HFM1: variants seen among roughly 807,000 people sequenced by gnomAD.
HFM1 encodes helicase for meiosis 1.
Under a neutral mutation model 192.1 loss-of-function variants are expected in HFM1, and 169 were observed. That is an observed-to-expected ratio of 0.88 (90% CI 0.78 to 1.00). The LOEUF (loss-of-function observed/expected upper bound fraction) is 1.00. HFM1 is among the 50% of genes least tolerant of loss of function. HFM1 has a pLI of 0.00. For synonymous variants in HFM1, 525 were observed against 537.8 expected, an observed-to-expected ratio of 0.98 and a Z score of 0.33; for missense variants, 1,661 against 1,668.0, an observed-to-expected ratio of 1.00 and a Z score of 0.07.
chr1:91,398,447 T>G lies in HFM1; in HGVS notation c.72-2042A>C, dbSNP rs554289395. Among the ~76,000 whole-genome samples the G allele has an allele frequency of 2.0e-4, 31 of 152,342 alleles. No homozygotes were observed. The South Asian group carries it at 6.4e-3, about 32-fold the overall frequency. On this transcript the variant is annotated intron_variant, in intron 2 of 38. Transcript: ENST00000370425. Reference sequence around the variant, plus strand: ...ATAATCAAGGCTCTTACTAACTTGTTTTAACTGCCCTCACTGCCTCCAGGC... The same window carrying G: ...ATAATCAAGGCTCTTACTAACTTGTGTTAACTGCCCTCACTGCCTCCAGGC...
In HFM1 at chr1:91,375,462, T is replaced by C. The variant is rs1283158420; in HGVS notation, c.1597-16A>G. 3.1e-6 allele frequency: 5 copies of C among 1,612,052 alleles called. No homozygotes were observed. The Admixed American group carries it at 6.7e-5, about 22-fold the overall frequency. On this transcript the variant is annotated splice_polypyrimidine_tract_variant and intron_variant, in intron 12 of 38. Coordinates refer to ENST00000370425, the MANE Select transcript of HFM1 (RefSeq NM_001017975.6). Reference sequence around the variant, plus strand: ...TTGCACAAAACTGAAAATAAATTCATAACGTTTGTATTAATCATGTTAAAA... The same window carrying C: ...TTGCACAAAACTGAAAATAAATTCACAACGTTTGTATTAATCATGTTAAAA...
At chr1:91,324,524 A>G (rs115597733) in intron 21 of HFM1, 151 bp downstream of exon 21, 11,442 of 549,510 alleles carry the variant, frequency 0.021, 163 homozygotes, top group Non-Finnish European at 0.029. Flanking sequence ...ATATCTCATG[A>G]TCAGAATTAT....
At chr1:91,320,768 T>C (rs1003392877) in intron 23 of HFM1, among the ~76,000 whole-genome samples, 18 of 152,104 alleles carry the variant, frequency 1.2e-4, no homozygotes, top group African/African-American at 4.3e-4. Flanking sequence ...TGTCCTATGA[T>C]CTTACCCCTG....
intron 4 of HFM1, among the ~76,000 whole-genome samples, chr1:91,391,925 A>G (rs1391008758): frequency 2.6e-5 from 4 of 152,246 alleles, no homozygotes; most frequent in Non-Finnish European, 5.9e-5. Context: ...CCCCATTAAA[A>G]AGTTGGCAAA....
intron 30 of HFM1, among the ~76,000 whole-genome samples, chr1:91,278,922 A>T (rs1387169390): frequency 6.6e-6 from 1 of 152,190 alleles, no homozygotes; most frequent in Non-Finnish European, 1.5e-5. Context: ...CTGAAACTAG[A>T]GAAAAGAACT....
chr1:91,341,710 A>C (rs1655359603), intron 20 of HFM1, among the ~76,000 whole-genome samples: 1 of 152,132 alleles, frequency 6.6e-6, no homozygotes. Flanking sequence ...AAACAAAAAA[A>C]CAGAAACCAG....
At chr1:91,338,684 C>T (rs1654925078) in intron 20 of HFM1, among the ~76,000 whole-genome samples, 3 of 152,286 alleles carry the variant, frequency 2.0e-5, no homozygotes, top group African/African-American at 2.4e-5. Context: ...ACATGGTGCA[C>T]GGACCTTGTC....
intron 20 of HFM1, among the ~76,000 whole-genome samples, chr1:91,334,428 G>C (rs1654281633): frequency 6.6e-6 from 1 of 152,142 alleles, no homozygotes; most frequent in African/African-American, 2.4e-5. Context: ...GAGAGGCCCT[G>C]AAAGAGCCCT....
intron 4 of HFM1, among the ~76,000 whole-genome samples, chr1:91,390,222 A>C (rs1314836016): frequency 6.6e-6 from 1 of 152,132 alleles, no homozygotes; most frequent in Non-Finnish European, 1.5e-5. Context: ...CAGATCACAC[A>C]GTCAGGAGAT....
intron 37 of HFM1, 27 bp from the exon 38 acceptor site, chr1:91,262,419 CAT>C (rs756165466): frequency 1.3e-6 from 2 of 1,578,984 alleles, no homozygotes; most frequent in Non-Finnish European, 1.7e-6. Flanking sequence ...AAATAACAAT[CAT>C]TGAAAGTTTA....
At chr1:91,271,388 C>T (rs143327678) in intron 34 of HFM1, among the ~76,000 whole-genome samples, 10 of 152,222 alleles carry the variant, frequency 6.6e-5, no homozygotes, top group South Asian at 4.1e-4. Context: ...AAGCCAGATA[C>T]TTTTCAGTTT....
chr1:91,398,880 A>G (rs1403094648), intron 2 of HFM1, among the ~76,000 whole-genome samples: 1 of 152,050 alleles, frequency 6.6e-6, no homozygotes, highest in African/African-American at 2.4e-5. Flanking sequence ...TTTAGTAGAG[A>G]TGGCGTTTCA....
chr1:91,403,145 G>A (rs1297250353), intron 1 of HFM1, among the ~76,000 whole-genome samples: 2 of 152,008 alleles, frequency 1.3e-5, no homozygotes, highest in African/African-American at 2.4e-5. Context: ...TATAGTATAT[G>A]CTTAGTTGTT....
At chr1:91,304,633 ATTT>A (rs58215219) in intron 30 of HFM1, among the ~76,000 whole-genome samples, 314 of 140,624 alleles carry the variant, frequency 2.2e-3, no homozygotes, top group Middle Eastern at 0.011. Flanking sequence ...CAGCCGGCTA[ATTT>A]TTTTTTTTTT....
chr1:91,361,993 C>T (rs973086992), intron 13 of HFM1, among the ~76,000 whole-genome samples: 6 of 152,114 alleles, frequency 3.9e-5, no homozygotes, highest in Non-Finnish European at 8.8e-5. Flanking sequence ...CAATTCAACA[C>T]TCCTTCATGT....
chr1:91,289,165 G>A (rs1266673313), intron 30 of HFM1, among the ~76,000 whole-genome samples: 2 of 149,506 alleles, frequency 1.3e-5, no homozygotes, highest in Non-Finnish European at 3.0e-5. Flanking sequence ...AGTCAGAGAC[G>A]CTCCTCACCT....
chr1:91,299,593 C>G (rs867907746), intron 30 of HFM1, among the ~76,000 whole-genome samples: 12 of 152,260 alleles, frequency 7.9e-5, no homozygotes, highest in African/African-American at 2.9e-4. Flanking sequence ...TCTCTCAGAC[C>G]ACAGTGCAAT....
At chr1:91,279,610 T>C (rs1422476671) in intron 30 of HFM1, among the ~76,000 whole-genome samples, 2 of 152,182 alleles carry the variant, frequency 1.3e-5, no homozygotes, top group Non-Finnish European at 2.9e-5. Flanking sequence ...TAGCCCTACA[T>C]CCATCAAAAC....
intron 30 of HFM1, among the ~76,000 whole-genome samples, chr1:91,300,742 T>A (rs1012533715): frequency 6.6e-6 from 1 of 152,166 alleles, no homozygotes; most frequent in African/African-American, 2.4e-5. Context: ...CAACCCTTCA[T>A]GCTAAAAACT....
Sources: allele counts gnomAD v4.1 joint callset (sites outside exome capture counted in the v4.1 genomes callset), GRCh38; gene constraint gnomAD v4.1.1; transcripts MANE v1.5; gene names NCBI Gene and HGNC (gene_info 2026-07-23, HGNC 2026-07-21).